Variants in PRAG1 observed in about 807,000 individuals in gnomAD.
The protein encoded by PRAG1 is inactive tyrosine-protein kinase PRAG1.
PRAG1 carries 110 observed loss-of-function variants against 95.6 expected under a neutral mutation model. The ratio of observed to expected loss-of-function variants is 1.15; its 90% CI spans 0.99 to 1.35. The LOEUF (loss-of-function observed/expected upper bound fraction) is 1.35. PRAG1 is among the 40% of genes most tolerant of loss of function. The pLI, the probability that PRAG1 is intolerant of heterozygous loss-of-function variation, is 0.00. For synonymous variants in PRAG1, 1,052 were observed against 819.4 expected, an observed-to-expected ratio of 1.28 and a Z score of -4.85; for missense variants, 2,554 against 1,864.7, an observed-to-expected ratio of 1.37 and a Z score of -6.81.
chr8:8,362,251 G>C (rs1016358991), intron 3 of PRAG1, among the ~76,000 whole-genome samples: 1 of 152,190 alleles, frequency 6.6e-6, no homozygotes, highest in South Asian at 2.1e-4. Context: ...ACCACAGGTA[G>C]CACCCACCCA....
At chr8:8,367,863 A>G (rs112908162) in intron 3 of PRAG1, among the ~76,000 whole-genome samples, 7,547 of 152,108 alleles carry the variant, frequency 0.05, 212 homozygotes, top group African/African-American at 0.071. Context: ...GGATGGTCTC[A>G]ATCTCCTGAC....
At chr8:8,349,333 T>G (rs760929966) in intron 3 of PRAG1, among the ~76,000 whole-genome samples, 1 of 152,094 alleles carries the variant, frequency 6.6e-6, no homozygotes, top group East Asian at 1.9e-4. Context: ...CAGGCTGGAG[T>G]GCAGTGGCAT....
chr8:8,357,806 C>T (rs983077123), intron 3 of PRAG1, among the ~76,000 whole-genome samples: 8 of 152,154 alleles, frequency 5.3e-5, no homozygotes, highest in South Asian at 2.1e-4. Context: ...CATTAACAGA[C>T]GAATGAATAA....
chr8:8,319,644 T>C (rs1798410531), intron 5 of PRAG1, among the ~76,000 whole-genome samples: 1 of 152,180 alleles, frequency 6.6e-6, no homozygotes, highest in Non-Finnish European at 1.5e-5. Flanking sequence ...AAAATGTATG[T>C]AATAAAGGAC....
At position 8,318,296 on chromosome 8, in the gene PRAG1, G is replaced by C; in HGVS notation, c.4079C>G (p.Ala1360Gly). The C allele has an allele frequency of 6.2e-7, 1 of 1,614,170 alleles. No individual in the cohort carries two copies. Among genetic ancestry groups the C allele is most frequent in the East Asian group, 2.2e-5 (1 of 44,872 alleles). ...TLHNWIDMKR[A>G]LMMMKFAEKA... ...CTCCGCAAACTTCATCATCATCAGG[G>C]CCCGCTTCATGTCGATCCAGTTGTG... Residue 1360 changes from alanine to glycine, a missense_variant, in exon 6 of 6, where the codon GCC (alanine) becomes GGC (glycine). Physicochemically the swap from Ala to Gly is moderately conservative, Grantham distance 60. Coordinates refer to ENST00000615670, the MANE Select transcript of PRAG1 (RefSeq NM_001080826.3). This position sits in a 1 kb window ranked among gnomAD's most constrained non-coding sequence, Gnocchi z 4.2.
chr8:8,322,818 T>C (rs557639920), intron 5 of PRAG1, among the ~76,000 whole-genome samples: 2 of 152,246 alleles, frequency 1.3e-5, no homozygotes, highest in Non-Finnish European at 2.9e-5. Flanking sequence ...CACCGACGAC[T>C]TGGAAGCTCC....
In PRAG1 at chr8:8,376,739, G is replaced by A. The variant is rs556908573; in HGVS notation, c.1670C>T (p.Pro557Leu). 61 of 1,609,424 alleles carry A rather than the reference G, an allele frequency of 3.8e-5. No homozygotes were observed. In the Admixed American group the frequency reaches 3.8e-4, roughly 10 times the overall value. ...GGGCCCTCCAGCAGACGGTGACACC[G>A]GGGACCCTACAGGGCTACTCTTGGA... ...KLSKSSPVGS[P>L]VSPSAGGPPV... Residue 557 changes from proline (P) to leucine (L), a missense_variant, in exon 3 of 6, where the codon CCG (proline) becomes CTG (leucine). By Grantham distance (98) the Pro-to-Leu change is moderately conservative. Coordinates refer to ENST00000615670, the MANE Select transcript of PRAG1 (RefSeq NM_001080826.3).
chr8:8,318,829 G>A lies in PRAG1; in HGVS notation c.3546C>T (p.Ser1182=), dbSNP rs1798372597. The A allele has an allele frequency of 7.5e-7, 1 of 1,327,492 alleles. No individual in the cohort carries two copies. Among genetic ancestry groups the A allele is most frequent in the Admixed American group, 4.0e-5 (1 of 25,254 alleles). The allele number at this position is 1,327,492 out of a possible 1,614,324, so 82.2% of individuals were successfully genotyped here. A position where few individuals can be genotyped will look rare whatever the true frequency, so the allele number is the denominator to read the frequency against. Residue 1182 remains serine (S), a synonymous_variant, in exon 6 of 6, where the codon TCC becomes TCT. Transcript: ENST00000615670. The surrounding 1 kb of genome is among the most constrained non-coding windows in gnomAD (Gnocchi z 4.2). ...TGCCACCAGCAGGCGGGGCGGCAGA[G>A]GAGCAGGGAGGCGCGGCGGCGGCGG... ...PAPAAAAPPC[S]SAAPPAGGTL...
intron 5 of PRAG1, among the ~76,000 whole-genome samples, chr8:8,322,488 C>G (rs1369824275): frequency 6.6e-6 from 1 of 152,012 alleles, no homozygotes; most frequent in East Asian, 1.9e-4. Flanking sequence ...ATTCTAAGGC[C>G]CTCCAACCAT....
At chr8:8,379,235 C>T (rs1008192200) in intron 2 of PRAG1, among the ~76,000 whole-genome samples, 7 of 152,210 alleles carry the variant, frequency 4.6e-5, no homozygotes, top group African/African-American at 1.7e-4. Context: ...CTCCCGCCTA[C>T]AGCAGTGACC....
intron 3 of PRAG1, among the ~76,000 whole-genome samples, chr8:8,343,984 T>G (rs769032109): frequency 6.6e-6 from 1 of 152,008 alleles, no homozygotes; most frequent in Non-Finnish European, 1.5e-5. Context: ...TTCAAAATAT[T>G]GTCACTTTAA....
intron 3 of PRAG1, among the ~76,000 whole-genome samples, chr8:8,360,550 T>C (rs1436953657): frequency 1.3e-5 from 2 of 152,206 alleles, no homozygotes; most frequent in Admixed American, 6.5e-5. Context: ...TCCTCAAATA[T>C]ACCTTCTGAG....
intron 3 of PRAG1, among the ~76,000 whole-genome samples, chr8:8,359,715 G>C (rs1231602876): frequency 2.0e-5 from 3 of 152,156 alleles, no homozygotes; most frequent in Non-Finnish European, 4.4e-5. Flanking sequence ...AACCAAATAT[G>C]TATTGGAGGA....
chr8:8,377,562 CCCT>C lies in PRAG1; in HGVS notation c.844_846del (p.Arg282del), dbSNP rs773118249. On this transcript the variant is annotated inframe_deletion, in exon 3 of 6. Transcript: ENST00000615670. ...TGCTCCCAGCACGTGGGTGAGCAGT[CCCT>C]GCCACCATGCCTGCCCCGGGAACCT... 4 of 1,608,736 alleles carry C rather than the reference CCCT, an allele frequency of 2.5e-6. No homozygotes were observed. Among genetic ancestry groups the C allele is most frequent in the Non-Finnish European group, 3.4e-6 (4 of 1,177,754 alleles).
At chr8:8,354,630 CA>C (rs1423258098) in intron 3 of PRAG1, among the ~76,000 whole-genome samples, 1 of 152,068 alleles carries the variant, frequency 6.6e-6, no homozygotes, top group East Asian at 1.9e-4. Flanking sequence ...TTGGCATATA[CA>C]AATAAATCAT....
At position 8,319,251 on chromosome 8, in the gene PRAG1, G is replaced by A. The variant is rs778928440; in HGVS notation, c.3124C>T (p.Pro1042Ser). 6.5e-7 allele frequency: 1 copy of A among 1,541,268 alleles called. No individual in the cohort carries two copies. Among genetic ancestry groups the A allele is most frequent in the South Asian group, 1.2e-5 (1 of 80,586 alleles). ...KTVSYCSPSV[P>S]VHFNIQQDCG... is the part of the protein sequence containing the mutation. ...TCCTGCTGGATGTTAAAGTGCACGGGCACGGACGGGCTGCAGTAGGAGACT... is the reference window on the plus strand; with the variant it reads ...TCCTGCTGGATGTTAAAGTGCACGGACACGGACGGGCTGCAGTAGGAGACT... The change falls in exon 6 of 6, where the codon CCC becomes TCC. Residue 1042 changes from proline (P) to serine (S), a missense_variant. Physicochemically the swap from Pro to Ser is moderately conservative, Grantham distance 74. Coordinates refer to ENST00000615670, the MANE Select transcript of PRAG1 (RefSeq NM_001080826.3).
intron 5 of PRAG1, among the ~76,000 whole-genome samples, chr8:8,326,455 C>A (rs553817332): frequency 3.5e-4 from 53 of 152,174 alleles, no homozygotes; most frequent in African/African-American, 1.2e-3. Context: ...CCTCCTGACT[C>A]CCAATAAAAG....
At position 8,381,786 on chromosome 8, in the gene PRAG1, T is replaced by A. The variant is rs1800683848; in HGVS notation, c.-39A>T. 52 of 1,499,436 alleles carry A rather than the reference T, an allele frequency of 3.5e-5. No individual in the cohort carries two copies. The highest frequency in any genetic ancestry group is 4.6e-5 in the Non-Finnish European group (51 of 1,115,784). The allele number at this position is 1,499,436 out of a possible 1,614,324, so 92.9% of individuals were successfully genotyped here. A position where few individuals can be genotyped will look rare whatever the true frequency, so the allele number is the denominator to read the frequency against. On this transcript the variant is annotated 5_prime_UTR_variant, in exon 2 of 6. Coordinates refer to ENST00000615670, the MANE Select transcript of PRAG1 (RefSeq NM_001080826.3). ...GGTGCTGGTTCATCTTGCGCCCGGC[T>A]CTCTGGTGCAGTTTTGTGGGATTCA...
At chr8:8,333,111 G>A (rs1472348840) in intron 4 of PRAG1, among the ~76,000 whole-genome samples, 1 of 152,246 alleles carries the variant, frequency 6.6e-6, no homozygotes, top group African/African-American at 2.4e-5. Context: ...CTGGTTTGAT[G>A]CTGGTGTTGG....
Sources: allele counts gnomAD v4.1 joint callset (sites outside exome capture counted in the v4.1 genomes callset), GRCh38; gene constraint gnomAD v4.1.1; non-coding constraint Gnocchi (gnomAD v3.1); transcripts MANE v1.5; gene names NCBI Gene and HGNC (gene_info 2026-07-23, HGNC 2026-07-21).